Variants in COLGALT2 observed in about 807,000 individuals in gnomAD.
COLGALT2 encodes collagen beta(1-O)galactosyltransferase 2, also known as procollagen galactosyltransferase 2.
Under a neutral mutation model 73.4 loss-of-function variants are expected in COLGALT2, and 49 were observed. That is an observed-to-expected ratio of 0.67 (90% CI 0.53 to 0.85). The LOEUF is 0.85. Ranked by LOEUF, COLGALT2 falls within the 40% of genes least tolerant of loss-of-function variation. COLGALT2 has a pLI of 0.00. For missense variants in COLGALT2, 722 were observed against 790.2 expected (o/e 0.91, Z 1.03); for synonymous variants, 295 against 307.6 (o/e 0.96, Z 0.43).
rs143565182 is a variant in COLGALT2 at position 183,983,259 on chromosome 1, T to C, written c.264-4739A>G. 1.7e-3 allele frequency among the ~76,000 whole-genome samples: 263 copies of C among 152,246 alleles called. 1 individual carries two copies. Among genetic ancestry groups the C allele is most frequent in the African/African-American group, 5.9e-3 (245 of 41,552 alleles). ...GCAGGGCCAATCTCTCCTACACTCA[T>C]TCCCAGAGGAGGAAGAGGAGGAAGA... On this transcript the variant is annotated intron_variant, in intron 1 of 11. Coordinates refer to ENST00000361927, the MANE Select transcript of COLGALT2 (RefSeq NM_015101.4).
chr1:183,954,116 A>G (rs1009926303), intron 7 of COLGALT2, among the ~76,000 whole-genome samples: 4 of 152,166 alleles, frequency 2.6e-5, no homozygotes, highest in African/African-American at 9.6e-5. Context: ...TGGAGTCACA[A>G]TCCCTGCCAA....
At position 184,037,491 on chromosome 1, in the gene COLGALT2, G is replaced by C. The variant is rs1039432144; in HGVS notation, c.-134C>G. ...GGGATGCGGCTTGCCGCGGCCGGCCGGCTCACACACTGGCCTCGGCGGCTG... is the reference window on the plus strand; with the variant it reads ...GGGATGCGGCTTGCCGCGGCCGGCCCGCTCACACACTGGCCTCGGCGGCTG... On this transcript the variant is annotated 5_prime_UTR_variant, in exon 1 of 12. Transcript: ENST00000361927. 1.7e-6 allele frequency: 2 copies of C among 1,177,514 alleles called. No homozygotes were observed. Among genetic ancestry groups the C allele is most frequent in the African/African-American group, 3.2e-5 (2 of 62,084 alleles). The allele number at this position is 1,177,514 out of a possible 1,614,324, so 72.9% of individuals were successfully genotyped here. A position where few individuals can be genotyped will look rare whatever the true frequency, so the allele number is the denominator to read the frequency against.
At chr1:183,948,128 T>A (rs1014974072) in intron 8 of COLGALT2, among the ~76,000 whole-genome samples, 1 of 152,066 alleles carries the variant, frequency 6.6e-6, no homozygotes, top group Non-Finnish European at 1.5e-5. Context: ...TAGAACCAGA[T>A]GGCTTCACTA....
intron 1 of COLGALT2, among the ~76,000 whole-genome samples, chr1:183,994,410 A>T (rs1310493791): frequency 1.3e-5 from 2 of 151,636 alleles, no homozygotes; most frequent in African/African-American, 4.8e-5. Flanking sequence ...ATAGTTACAA[A>T]GCTAGTAAGT....
At chr1:183,977,743 T>A (rs1671238785) in intron 2 of COLGALT2, among the ~76,000 whole-genome samples, 1 of 150,866 alleles carries the variant, frequency 6.6e-6, no homozygotes, top group South Asian at 2.1e-4. Flanking sequence ...GGAGCTATGG[T>A]CATGCCACTG....
chr1:184,025,797 A>G (rs1649314875), intron 1 of COLGALT2, among the ~76,000 whole-genome samples: 1 of 152,178 alleles, frequency 6.6e-6, no homozygotes, highest in South Asian at 2.1e-4. Flanking sequence ...AGGATTTTTT[A>G]AAGCCATCCC....
downstream of COLGALT2, among the ~76,000 whole-genome samples, chr1:183,935,066 C>T (rs1290442366): frequency 6.6e-6 from 1 of 152,180 alleles, no homozygotes. Flanking sequence ...CCACTTTGGC[C>T]CTTTCATAGT....
intron 1 of COLGALT2, among the ~76,000 whole-genome samples, chr1:184,030,274 A>G (rs1284940301): frequency 6.6e-6 from 1 of 152,214 alleles, no homozygotes; most frequent in African/African-American, 2.4e-5. Flanking sequence ...AAAAATGTCA[A>G]AACATAGAAT....
In COLGALT2 at chr1:183,993,179, T is replaced by C. The variant is rs530415168; in HGVS notation, c.264-14659A>G. 2.6e-5 allele frequency among the ~76,000 whole-genome samples: 4 copies of C among 152,350 alleles called. No individual in the cohort carries two copies. The South Asian group carries it at 8.3e-4, about 32-fold the overall frequency. ...TGACTTTTGGGGTACTTCCTCTCTCTTTCATAATCCATATCTGGAAAGTTT... is the reference window on the plus strand; with the variant it reads ...TGACTTTTGGGGTACTTCCTCTCTCCTTCATAATCCATATCTGGAAAGTTT... On this transcript the variant is annotated intron_variant, in intron 1 of 11. Coordinates refer to ENST00000361927, the MANE Select transcript of COLGALT2 (RefSeq NM_015101.4).
At chr1:184,009,802 T>A (rs146362547) in intron 1 of COLGALT2, among the ~76,000 whole-genome samples, 122 of 152,364 alleles carry the variant, frequency 8.0e-4, no homozygotes, top group African/African-American at 2.9e-3. Flanking sequence ...ATTTTAAAAA[T>A]CTGACTTCTC....
At position 183,936,511 on chromosome 1, in the gene COLGALT2, G is replaced by C; in HGVS notation, c.*2250C>G. 9.8e-7 allele frequency: 1 copy of C among 1,017,984 alleles called. No individual in the cohort carries two copies. The highest frequency in any genetic ancestry group is 8.8e-5 in the East Asian group (1 of 11,304). The allele number at this position is 1,017,984 out of a possible 1,614,324, so 63.1% of individuals were successfully genotyped here. A position where few individuals can be genotyped will look rare whatever the true frequency, so the allele number is the denominator to read the frequency against. On this transcript the variant is annotated 3_prime_UTR_variant, in exon 12 of 12. Coordinates refer to ENST00000361927, the MANE Select transcript of COLGALT2 (RefSeq NM_015101.4). ...AGTTCTTAAATCTGTCAGACCAGCT[G>C]ACAGGGGAACAGGAAAAAAAAAATT...
At chr1:183,987,229 G>T (rs552844155) in intron 1 of COLGALT2, among the ~76,000 whole-genome samples, 1 of 152,032 alleles carries the variant, frequency 6.6e-6, no homozygotes, top group Admixed American at 6.6e-5. Flanking sequence ...TCCTGTTTTC[G>T]TTCTCCTTTG....
chr1:184,010,733 A>T (rs1234688728), intron 1 of COLGALT2, among the ~76,000 whole-genome samples: 1 of 152,168 alleles, frequency 6.6e-6, no homozygotes, highest in Non-Finnish European at 1.5e-5. Flanking sequence ...GAGGGCCACC[A>T]AATACCCTGC....
intron 8 of COLGALT2, chr1:183,946,341 T>C (rs1326642649): frequency 2.0e-5 from 3 of 152,204 alleles, no homozygotes; most frequent in Non-Finnish European, 2.9e-5. Context: ...ATAGGGAGTT[T>C]GATTTGCTCC....
chr1:183,999,321 A>G (rs1241983888), intron 1 of COLGALT2, among the ~76,000 whole-genome samples: 1 of 152,132 alleles, frequency 6.6e-6, no homozygotes, highest in African/African-American at 2.4e-5. Flanking sequence ...ACTCAACTCA[A>G]TGCAGTATCT....
At chr1:183,971,393 T>C (rs72637288) in intron 4 of COLGALT2, among the ~76,000 whole-genome samples, 13,533 of 152,190 alleles carry the variant, frequency 0.089, 1,125 homozygotes, top group East Asian at 0.45. Flanking sequence ...AGTGAGCACA[T>C]TTCTCCTATT....
chr1:183,951,041 T>G lies in COLGALT2; in HGVS notation c.1102A>C (p.Ile368Leu). Residue 368 changes from isoleucine (I) to leucine (L), a missense_variant, in exon 8 of 12, where the codon ATT becomes CTT. Transcript: ENST00000361927. Reference protein sequence around the residue: ...RMLRTLYEQEIEVKIVEAVDG... With the variant: ...RMLRTLYEQELEVKIVEAVDG... Reference sequence around the variant, plus strand: ...ACAGCCTCGACAATCTTGACCTCAATCTCCTGTTCATACAGTGTGCGCAGC... The same window carrying G: ...ACAGCCTCGACAATCTTGACCTCAAGCTCCTGTTCATACAGTGTGCGCAGC... The G allele has an allele frequency of 1.9e-6, 3 of 1,613,712 alleles. No individual in the cohort carries two copies. In the South Asian group the frequency reaches 3.3e-5, roughly 18 times the overall value.
chr1:183,973,813 AC>A, intron 3 of COLGALT2, 63 bp from the exon 4 acceptor site: 1 of 1,531,802 alleles, frequency 6.5e-7, no homozygotes. Context: ...TTTGAGAATA[AC>A]CCAGCCCTTC....
chr1:183,944,467 G>T, intron 9 of COLGALT2, 144 bp from the exon 10 acceptor site: 2 of 871,848 alleles, frequency 2.3e-6, no homozygotes, highest in South Asian at 1.8e-5. Flanking sequence ...CAGTAGAATA[G>T]ATAATAAACT....
Sources: allele counts gnomAD v4.1 joint callset (sites outside exome capture counted in the v4.1 genomes callset), GRCh38; gene constraint gnomAD v4.1.1; transcripts MANE v1.5; gene names NCBI Gene and HGNC (gene_info 2026-07-23, HGNC 2026-07-21).